Variants in LONRF1 observed in about 807,000 individuals in gnomAD.
LONRF1 encodes the protein LON peptidase N-terminal domain and RING finger protein 1.
In LONRF1, 37 loss-of-function variants were observed where a neutral mutation model predicts 85.8. The ratio of observed to expected loss-of-function variants is 0.43; its 90% confidence interval spans 0.33 to 0.57. The LOEUF (loss-of-function observed/expected upper bound fraction) is 0.57, where lower values mean the gene tolerates loss of function less well. Ranked by LOEUF, LONRF1 falls within the 20% of genes least tolerant of loss-of-function variation. LONRF1 has a pLI of 0.04. For synonymous variants in LONRF1, 517 were observed against 390.1 expected (o/e 1.33, Z -3.83); for missense variants, 1,036 against 978.0 (o/e 1.06, Z -0.79).
rs540729634 is a variant in LONRF1, at chr8:12,735,261, A to G, written c.1566+25T>C. On this transcript the variant is annotated intron_variant, in intron 7 of 11. Transcript: ENST00000398246. ...CATGCTGCCAAACTTAAGACCAACA[A>G]ACAGACACATATACAAATATTTACC... 8.1e-6 allele frequency: 12 copies of G among 1,489,256 alleles called. No individual in the cohort carries two copies. In the South Asian group the frequency reaches 1.3e-4, roughly 16 times the overall value. The allele number at this position is 1,489,256 out of a possible 1,614,324, so 92.3% of individuals were successfully genotyped here. A position where few individuals can be genotyped will look rare whatever the true frequency, so the allele number is the denominator to read the frequency against.
At chr8:12,749,176 T>C (rs780364052) in intron 1 of LONRF1, among the ~76,000 whole-genome samples, 1 of 152,200 alleles carries the variant, frequency 6.6e-6, no homozygotes, top group Non-Finnish European at 1.5e-5. Context: ...AACAAAGTGA[T>C]GAAGATATTA....
In LONRF1 at chr8:12,755,481, G is replaced by C; in HGVS notation, c.-61C>G. The C allele has an allele frequency of 1.0e-6, 1 of 953,458 alleles. No individual in the cohort carries two copies. Among genetic ancestry groups the C allele is most frequent in the Non-Finnish European group, 1.3e-6 (1 of 784,110 alleles). 59.1% of individuals were successfully genotyped at this position (953,458 alleles called of 1,614,324 possible). A position where few individuals can be genotyped will look rare whatever the true frequency, so the allele number is the denominator to read the frequency against. On this transcript the variant is annotated 5_prime_UTR_variant, in exon 1 of 12. Coordinates refer to ENST00000398246, the MANE Select transcript of LONRF1 (RefSeq NM_152271.5). ...CACGGTCCCGGAGCCTCCCGGGCGCGCGGCTCCGCACGCGGCCCGCGAGCA... is the reference window on the plus strand; with the variant it reads ...CACGGTCCCGGAGCCTCCCGGGCGCCCGGCTCCGCACGCGGCCCGCGAGCA...
intron 1 of LONRF1, among the ~76,000 whole-genome samples, chr8:12,744,254 T>G (rs964172965): frequency 1.3e-5 from 2 of 152,180 alleles, no homozygotes; most frequent in Non-Finnish European, 2.9e-5. Flanking sequence ...TGCTTTTCTA[T>G]TCAAAACTCT....
chr8:12,749,259 A>G (rs1323468611), intron 1 of LONRF1, among the ~76,000 whole-genome samples: 1 of 152,212 alleles, frequency 6.6e-6, no homozygotes, highest in Admixed American at 6.5e-5. Context: ...GGTAGCCTAG[A>G]TAAGAAACAT....
intron 8 of LONRF1, among the ~76,000 whole-genome samples, chr8:12,729,633 TTTA>T (rs1421576723): frequency 1.3e-5 from 2 of 152,090 alleles, no homozygotes; most frequent in African/African-American, 2.4e-5. Context: ...ATCAAGAGAA[TTTA>T]TTATAAGTAA....
chr8:12,754,977 C>A lies in LONRF1; in HGVS notation c.444G>T (p.Arg148=), dbSNP rs1419286501. Residue 148 remains arginine, a synonymous_variant, in exon 1 of 12, where the codon CGG becomes CGT. Coordinates refer to ENST00000398246, the MANE Select transcript of LONRF1 (RefSeq NM_152271.5). ...CGHSYCRRCL[R]RELRARCRLC... ...GGCGGCAGCGGGCGCGGAGTTCCCT[C>A]CGCAGGCAGCGGCGGCAGTAGCTGT... The A allele has an allele frequency of 1.3e-6, 2 of 1,492,072 alleles. No homozygotes were observed. The highest frequency in any genetic ancestry group is 4.6e-4 in the Middle Eastern group (2 of 4,366). 92.4% of individuals were successfully genotyped at this position (1,492,072 alleles called of 1,614,324 possible). A position where few individuals can be genotyped will look rare whatever the true frequency, so the allele number is the denominator to read the frequency against.
At position 12,751,296 on chromosome 8, in the gene LONRF1, G is replaced by GTTTTTTTTTTTTTTT. The variant is rs869038024; in HGVS notation, c.721+3389_721+3403dup. Among the ~76,000 whole-genome samples the GTTTTTTTTTTTTTTT allele has an allele frequency of 2.1e-3, 147 of 69,510 alleles. 5 individuals carry two copies. Among genetic ancestry groups the GTTTTTTTTTTTTTTT allele is most frequent in the African/African-American group, 2.6e-3 (51 of 19,472 alleles). 45.6% of individuals were successfully genotyped at this position (69,510 alleles called of 152,430 possible). A position where few individuals can be genotyped will look rare whatever the true frequency, so the allele number is the denominator to read the frequency against. On this transcript the variant is annotated intron_variant, in intron 1 of 11. Transcript: ENST00000398246. Reference sequence around the variant, plus strand: ...TCAAGGATTATATTTTTATTTTTATGTTTTTTTTTTTTTTTTTTTTTTTTG... The same window carrying GTTTTTTTTTTTTTTT: ...TCAAGGATTATATTTTTATTTTTATGTTTTTTTTTTTTTTTTTTTTTTTTTTTTTTTTTTTTTTTG...
chr8:12,726,480 A>G (rs1045790293), intron 10 of LONRF1, among the ~76,000 whole-genome samples: 19 of 152,342 alleles, frequency 1.2e-4, no homozygotes, highest in Admixed American at 5.2e-4. Flanking sequence ...GCCCAAGGCT[A>G]TGGCTACCTC....
chr8:12,723,248 G>T lies in LONRF1; in HGVS notation c.2170C>A (p.Pro724Thr), dbSNP rs762195746. The T allele has an allele frequency of 6.2e-7, 1 of 1,606,458 alleles. No individual in the cohort carries two copies. Among genetic ancestry groups the T allele is most frequent in the South Asian group, 1.1e-5 (1 of 89,396 alleles). Residue 724 changes from proline to threonine, a missense_variant, in exon 12 of 12, where the codon CCT becomes ACT. Transcript: ENST00000398246. ...PEREENLQAA[P>T]NGPAWCWWLL... ...CACCAACACCATGCAGGTCCATTAGGGGCTGCCTAAAAACAATGGACAGTT... is the reference window on the plus strand; with the variant it reads ...CACCAACACCATGCAGGTCCATTAGTGGCTGCCTAAAAACAATGGACAGTT...
At position 12,752,120 on chromosome 8, in the gene LONRF1, C is replaced by T. The variant is rs376188826; in HGVS notation, c.721+2580G>A. Among the ~76,000 whole-genome samples, 122 of 152,264 alleles carry T rather than the reference C, an allele frequency of 8.0e-4. 2 individuals are homozygous for T. The South Asian group carries it at 0.024, about 30-fold the overall frequency. ...GATTTTTTCTAGTTAATAGTATTTACTTGTTTCATTATAAGAATTATACGA... is the reference window on the plus strand; with the variant it reads ...GATTTTTTCTAGTTAATAGTATTTATTTGTTTCATTATAAGAATTATACGA... On this transcript the variant is annotated intron_variant, in intron 1 of 11. Transcript: ENST00000398246.
intron 1 of LONRF1, among the ~76,000 whole-genome samples, chr8:12,750,986 A>C (rs1459408225): frequency 6.6e-6 from 1 of 152,200 alleles, no homozygotes; most frequent in Non-Finnish European, 1.5e-5. Flanking sequence ...TTTGATTCTC[A>C]CAACACCCTA....
At chr8:12,724,351 G>A (rs1193128591) in intron 11 of LONRF1, among the ~76,000 whole-genome samples, 2 of 152,134 alleles carry the variant, frequency 1.3e-5, no homozygotes, top group Admixed American at 1.3e-4. Context: ...TGAGACAGTG[G>A]TGCAGACTTG....
rs1442024781 is a variant in LONRF1 at position 12,738,010 on chromosome 8, T to G, written c.1098A>C (p.Glu366Asp). The G allele has an allele frequency of 6.2e-6, 10 of 1,608,168 alleles. No individual in the cohort carries two copies. Among genetic ancestry groups the G allele is most frequent in the Admixed American group, 1.7e-5 (1 of 59,164 alleles). ...SVMEESQSLN[E>D]PSPKQSEEIP... ...CACCCCGTACCTGCTTTGGGCTAGGTTCATTGAGAGACTGAGACTCTTCCA... is the reference window on the plus strand; with the variant it reads ...CACCCCGTACCTGCTTTGGGCTAGGGTCATTGAGAGACTGAGACTCTTCCA... The change falls in exon 4 of 12, where the codon GAA becomes GAC. Residue 366 changes from glutamate to aspartate, a missense_variant. Physicochemically the swap from Glu to Asp is conservative, Grantham distance 45. Around this residue, in one of 3 missense-constraint regions of LONRF1, gnomAD observed 742 missense variants for 614.4 expected, o/e 1.21. Coordinates refer to ENST00000398246, the MANE Select transcript of LONRF1 (RefSeq NM_152271.5).
Position 12,755,406 on chromosome 8 carries a change from C to T in LONRF1, c.15G>A (p.Ala5=). ...TCCCTCCTGGGGAGGTCCTCGCCAC[C>T]GCCGGAGAGGACATGGCCCGCGGAG... MSSP[A]VARTSPGGSR... is the part of the protein sequence containing the mutation. The change falls in exon 1 of 12, where the codon GCG becomes GCA. Residue 5 remains alanine, a synonymous_variant. Transcript: ENST00000398246. 8.6e-7 allele frequency: 1 copy of T among 1,161,594 alleles called. No homozygotes were observed. Among genetic ancestry groups the T allele is most frequent in the Non-Finnish European group, 1.1e-6 (1 of 943,182 alleles). 72.0% of individuals were successfully genotyped at this position (1,161,594 alleles called of 1,614,324 possible).
rs141868070 is a variant in LONRF1 at position 12,722,387 on chromosome 8, A to G, written c.*709T>C. 1.3e-5 allele frequency: 2 copies of G among 152,760 alleles called. No individual in the cohort carries two copies. Among genetic ancestry groups the G allele is most frequent in the East Asian group, 3.9e-4 (2 of 5,186 alleles). The allele number at this position is 152,760 out of a possible 1,614,324, so 9.5% of individuals were successfully genotyped here. ...TTTCACAGTTTTGAGTGTTTTATGAATAGATGCACAGTACCATGTCAGGTT... is the reference window on the plus strand; with the variant it reads ...TTTCACAGTTTTGAGTGTTTTATGAGTAGATGCACAGTACCATGTCAGGTT... On this transcript the variant is annotated 3_prime_UTR_variant, in exon 12 of 12. Coordinates refer to ENST00000398246, the MANE Select transcript of LONRF1 (RefSeq NM_152271.5).
At chr8:12,734,912 G>A (rs751763846) in intron 7 of LONRF1, among the ~76,000 whole-genome samples, 4 of 152,080 alleles carry the variant, frequency 2.6e-5, no homozygotes, top group Non-Finnish European at 4.4e-5. Flanking sequence ...TAGATGTTGA[G>A]GAAGCTGAAA....
chr8:12,737,354 C>T (rs968674407), intron 4 of LONRF1: 1 of 697,662 alleles, frequency 1.4e-6, no homozygotes, highest in African/African-American at 1.8e-5. Context: ...TCCGTGGGTT[C>T]ATCCAACTGG....
At chr8:12,730,143 C>T (rs1234048641) in intron 8 of LONRF1, among the ~76,000 whole-genome samples, 2 of 152,142 alleles carry the variant, frequency 1.3e-5, no homozygotes, top group African/African-American at 4.8e-5. Flanking sequence ...AAAGAGGAGA[C>T]TAGTAAGATC....
At chr8:12,750,434 T>G (rs1799334496) in intron 1 of LONRF1, among the ~76,000 whole-genome samples, 1 of 152,208 alleles carries the variant, frequency 6.6e-6, no homozygotes, top group African/African-American at 2.4e-5. Context: ...ATTTATAAAT[T>G]AGGTGTAGTA....
Sources: gnomAD v4.1 joint callset for allele counts (sites outside exome capture counted in the v4.1 genomes callset) on GRCh38, gnomAD v4.1.1 for gene constraint, gnomAD v4.1.1 regional missense constraint, MANE v1.5 for transcripts, NCBI Gene and HGNC (gene_info 2026-07-23, HGNC 2026-07-21) for gene names.